The following ODAD2 variants were observed in gnomAD, a reference collection of about 807,000 sequenced individuals.
ODAD2 encodes outer dynein arm docking complex subunit 2.
A neutral mutation model predicts 106.8 loss-of-function variants in ODAD2; 89 were observed. That is an observed-to-expected ratio of 0.83 (90% CI 0.70 to 0.99). The LOEUF is 0.99. Among genes scored for constraint, ODAD2 ranks in the 50% least tolerant of loss-of-function variants. The probability of loss-of-function intolerance (pLI) is 0.00; values close to 1 mark genes in which losing one functional copy is unlikely to be tolerated. For synonymous variants in ODAD2, 404 were observed against 436.2 expected (o/e 0.93, Z 0.92); for missense variants, 1,168 against 1,238.5 (o/e 0.94, Z 0.85).
intron 17 of ODAD2, among the ~76,000 whole-genome samples, chr10:27,875,974 G>A (rs1841309361): frequency 6.6e-6 from 1 of 152,178 alleles, no homozygotes; most frequent in Non-Finnish European, 1.5e-5. Flanking sequence ...AGATTGAATT[G>A]CAACATGGCA....
At chr10:27,862,391 C>A in intron 18 of ODAD2, 43 bp downstream of exon 18, 1 of 1,495,996 alleles carries the variant, frequency 6.7e-7, no homozygotes, top group Non-Finnish European at 9.1e-7. Flanking sequence ...ACCATGATAT[C>A]TCAGGACAAT....
intron 16 of ODAD2, among the ~76,000 whole-genome samples, chr10:27,908,087 G>C (rs1843729079): frequency 6.6e-6 from 1 of 151,948 alleles, no homozygotes; most frequent in African/African-American, 2.4e-5. Context: ...TAAAAATACG[G>C]GTTTCTTTCA....
At chr10:27,930,478 C>T (rs1564515472) in intron 16 of ODAD2, among the ~76,000 whole-genome samples, 3 of 151,990 alleles carry the variant, frequency 2.0e-5, no homozygotes, top group African/African-American at 7.2e-5. Context: ...GGCACCACTG[C>T]ACTCCAGCCT....
At chr10:27,933,964 AT>A (rs1485852177) in intron 16 of ODAD2, among the ~76,000 whole-genome samples, 1 of 152,166 alleles carries the variant, frequency 6.6e-6, no homozygotes, top group Non-Finnish European at 1.5e-5. Context: ...CTTATCCTGA[AT>A]TCCCACGTGT....
rs768238195 is a variant in ODAD2 at position 27,934,232 on chromosome 10, C to T, written c.2495+778G>A. On this transcript the variant is annotated intron_variant, in intron 16 of 19. Transcript: ENST00000305242. ...TCTTTCCTTTATAATTACCCAGTTT[C>T]GGGTATGTCTTTATCAGCAGCATGA... 2.6e-5 allele frequency among the ~76,000 whole-genome samples: 4 copies of T among 151,960 alleles called. No homozygotes were observed. The South Asian group carries it at 6.2e-4, about 24-fold the overall frequency.
At chr10:27,987,745 G>C (rs904054746) in intron 2 of ODAD2, among the ~76,000 whole-genome samples, 3 of 151,444 alleles carry the variant, frequency 2.0e-5, no homozygotes, top group African/African-American at 7.3e-5. Flanking sequence ...AGCAAGCCTA[G>C]TGACCAATAG....
chr10:27,989,008 G>GGAGCCAT (rs1221352441), intron 2 of ODAD2, among the ~76,000 whole-genome samples: 20 of 152,110 alleles, frequency 1.3e-4, no homozygotes, highest in African/African-American at 4.8e-4. Flanking sequence ...AGAGTGATGT[G>GGAGCCAT]GAGCCATGAG....
intron 19 of ODAD2, among the ~76,000 whole-genome samples, chr10:27,833,973 C>T (rs1837672660): frequency 6.6e-6 from 1 of 152,154 alleles, no homozygotes; most frequent in South Asian, 2.1e-4. Flanking sequence ...GTGAAGGTTC[C>T]ACATGGCGCC....
intron 19 of ODAD2, among the ~76,000 whole-genome samples, chr10:27,823,031 T>C (rs1331129474): frequency 2.0e-5 from 3 of 152,158 alleles, no homozygotes; most frequent in Non-Finnish European, 4.4e-5. Context: ...TTGACTTTCT[T>C]CTAAAAATGC....
At chr10:27,914,969 T>A (rs562811573) in intron 16 of ODAD2, among the ~76,000 whole-genome samples, 3 of 152,034 alleles carry the variant, frequency 2.0e-5, no homozygotes, top group Non-Finnish European at 4.4e-5. Context: ...AAACAACATA[T>A]GCATGATTGG....
intron 14 of ODAD2, among the ~76,000 whole-genome samples, chr10:27,938,843 G>A (rs939148258): frequency 4.0e-5 from 6 of 151,870 alleles, no homozygotes; most frequent in Non-Finnish European, 5.9e-5. Flanking sequence ...GAAGTGATTC[G>A]CCCATCTCAG....
rs1846277089 is a variant in ODAD2 at position 27,940,014 on chromosome 10, A to G, written c.1987-7T>C. The stretch of plus-strand genomic sequence containing the variant: ...TTGCAGCCCGGTAGTTTTCCTAGGA[A>G]TAAAAACCTACATATTTATGTGTTC... On this transcript the variant is annotated splice_polypyrimidine_tract_variant and splice_region_variant and intron_variant, in intron 13 of 19. Transcript: ENST00000305242. 1.3e-6 allele frequency: 2 copies of G among 1,585,222 alleles called. No homozygotes were observed. The highest frequency in any genetic ancestry group is 1.7e-6 in the Non-Finnish European group (2 of 1,161,246).
intron 7 of ODAD2, among the ~76,000 whole-genome samples, chr10:27,977,778 A>T (rs1849292970): frequency 6.6e-6 from 1 of 152,218 alleles, no homozygotes; most frequent in African/African-American, 2.4e-5. Context: ...AATGGCCAAT[A>T]AGCACATGAA....
chr10:27,925,733 C>A (rs1291573648), intron 16 of ODAD2, among the ~76,000 whole-genome samples: 1 of 152,048 alleles, frequency 6.6e-6, no homozygotes, highest in Non-Finnish European at 1.5e-5. Context: ...TAAGGTTATT[C>A]TTTTACTTCA....
At position 27,940,784 on chromosome 10, in the gene ODAD2, G is replaced by T; in HGVS notation, c.1765C>A (p.His589Asn). 6.2e-7 allele frequency: 1 copy of T among 1,614,032 alleles called. No individual in the cohort carries two copies. Among genetic ancestry groups the T allele is most frequent in the Non-Finnish European group, 8.5e-7 (1 of 1,179,952 alleles). ...GATTGGGCAGGTTTTGTGGAATCAT[G>T]TGCACAGTCTAGTAGAGCAACCTAT... ...TKLVALLDCA[H>N]DSTKPAQSSL... is the part of the protein sequence containing the mutation. The change falls in exon 13 of 20, where the codon CAT becomes AAT. Residue 589 changes from histidine (H) to asparagine (N), a missense_variant. Physicochemically the swap from His to Asn is moderately conservative, Grantham distance 68. Around this residue, in one of 3 missense-constraint regions of ODAD2, gnomAD observed 701 missense variants for 712.3 expected, o/e 0.98. Transcript: ENST00000305242.
At position 27,981,478 on chromosome 10, in the gene ODAD2, A is replaced by C; in HGVS notation, c.924T>G (p.Asn308Lys). The C allele has an allele frequency of 6.6e-7, 1 of 1,511,910 alleles. No homozygotes were observed. The highest frequency in any genetic ancestry group is 8.8e-7 in the Non-Finnish European group (1 of 1,141,038). The allele number at this position is 1,511,910 out of a possible 1,614,324, so 93.7% of individuals were successfully genotyped here. A position where few individuals can be genotyped will look rare whatever the true frequency, so the allele number is the denominator to read the frequency against. Residue 308 changes from asparagine to lysine, a missense_variant, in exon 7 of 20, where the codon AAT (asparagine) becomes AAG (lysine). Around this residue, in one of 3 missense-constraint regions of ODAD2, gnomAD observed 430 missense variants for 452.2 expected, o/e 0.95. Coordinates refer to ENST00000305242, the MANE Select transcript of ODAD2 (RefSeq NM_018076.5). Reference sequence around the variant, plus strand: ...CCATAAAACTTACCAATTTAGACATATTTTCTGAAAATTTTGGTGATTTTT... The same window carrying C: ...CCATAAAACTTACCAATTTAGACATCTTTTCTGAAAATTTTGGTGATTTTT... ...LREKSPKFSE[N>K]MSKLGISFSE...
intron 17 of ODAD2, among the ~76,000 whole-genome samples, chr10:27,885,591 TAA>T (rs1237518157): frequency 1.7e-4 from 12 of 71,646 alleles, no homozygotes; most frequent in Admixed American, 2.5e-4. Context: ...TATATAAATA[TAA>T]ATATATATAT....
intron 17 of ODAD2, among the ~76,000 whole-genome samples, chr10:27,903,943 C>T (rs2003192): frequency 0.49 from 74,351 of 151,936 alleles, 18,752 homozygotes; most frequent in Middle Eastern, 0.62. Flanking sequence ...CTCTTCCTCC[C>T]CTCTGGGGTT....
chr10:27,975,172 C>T (rs1212468724), intron 7 of ODAD2, among the ~76,000 whole-genome samples: 2 of 152,008 alleles, frequency 1.3e-5, no homozygotes, highest in Non-Finnish European at 2.9e-5. Context: ...TTTATATGCT[C>T]CAAGTAAAAC....
Sources: gnomAD v4.1 joint callset for allele counts (sites outside exome capture counted in the v4.1 genomes callset) on GRCh38, gnomAD v4.1.1 for gene constraint, gnomAD v4.1.1 regional missense constraint, MANE v1.5 for transcripts, NCBI Gene and HGNC (gene_info 2026-07-23, HGNC 2026-07-21) for gene names.